The following ENOX1 variants were observed in gnomAD, a reference collection of about 807,000 sequenced individuals.
ENOX1 encodes ecto-NOX disulfide-thiol exchanger 1, also known as candidate growth-related and time keeping constitutive hydroquinone (NADH) oxidase.
ENOX1 carries 42 observed loss-of-function variants against 82.5 expected under a neutral mutation model. The ratio of observed to expected loss-of-function variants is 0.51; its 90% CI spans 0.40 to 0.66. ENOX1 has a LOEUF of 0.66. ENOX1 is among the 30% of genes least tolerant of loss of function. ENOX1 has a pLI of 0.00. For missense variants in ENOX1, 608 were observed against 811.6 expected, an observed-to-expected ratio of 0.75 and a Z score of 3.05; for synonymous variants, 271 against 282.2, an observed-to-expected ratio of 0.96 and a Z score of 0.40.
chr13:43,477,104 C>T (rs1041356508), intron 3 of ENOX1, among the ~76,000 whole-genome samples: 9 of 150,948 alleles, frequency 6.0e-5, no homozygotes. Context: ...TCAGTATGAT[C>T]CCATCTATGT....
At chr13:43,675,188 G>A (rs990249630) in intron 1 of ENOX1, among the ~76,000 whole-genome samples, 3 of 152,184 alleles carry the variant, frequency 2.0e-5, no homozygotes, top group African/African-American at 7.2e-5. Context: ...GGCTGATGAT[G>A]GTGGTCTAGT....
At chr13:43,489,251 G>A (rs2076536926) in intron 2 of ENOX1, among the ~76,000 whole-genome samples, 1 of 152,136 alleles carries the variant, frequency 6.6e-6, no homozygotes, top group Non-Finnish European at 1.5e-5. Flanking sequence ...GTGCCTGGGG[G>A]ATCTGGGGAC....
chr13:43,491,649 C>T (rs1451549473), intron 2 of ENOX1, among the ~76,000 whole-genome samples: 1 of 152,036 alleles, frequency 6.6e-6, no homozygotes, highest in Non-Finnish European at 1.5e-5. Context: ...TGCCTGTAGT[C>T]CCAGCTACTT....
chr13:43,556,795 A>G (rs925077557), intron 2 of ENOX1, among the ~76,000 whole-genome samples: 1 of 152,202 alleles, frequency 6.6e-6, no homozygotes, highest in Admixed American at 6.5e-5. Context: ...GTTAGCTAAC[A>G]TTAGAAGATG....
chr13:43,236,473 A>AT (rs2042556583), intron 15 of ENOX1, among the ~76,000 whole-genome samples, 163 bp downstream of exon 15: 1 of 152,258 alleles, frequency 6.6e-6, no homozygotes, highest in South Asian at 2.1e-4. Context: ...ATTAGTTTGT[A>AT]TGCCACTAAT....
chr13:43,544,162 G>C (rs530254574), intron 2 of ENOX1: 1 of 152,186 alleles, frequency 6.6e-6, no homozygotes, highest in East Asian at 1.9e-4. Context: ...TTACAGGCAT[G>C]AGCCATCGCG....
chr13:43,691,901 C>T (rs1044963734), intron 1 of ENOX1, among the ~76,000 whole-genome samples: 5 of 151,926 alleles, frequency 3.3e-5, no homozygotes, highest in African/African-American at 9.7e-5. Context: ...GGGGTTTCAC[C>T]GTGTTAGGCA....
chr13:43,311,203 A>T (rs977991524), intron 11 of ENOX1, among the ~76,000 whole-genome samples: 4 of 151,968 alleles, frequency 2.6e-5, no homozygotes, highest in African/African-American at 7.3e-5. Flanking sequence ...GACGTGGATT[A>T]TATAGAGGAG....
At chr13:43,280,714 G>T (rs949900154) in intron 12 of ENOX1, among the ~76,000 whole-genome samples, 1 of 152,150 alleles carries the variant, frequency 6.6e-6, no homozygotes, top group African/African-American at 2.4e-5. Flanking sequence ...CTTTAGTGAA[G>T]TTAATCCAAT....
intron 11 of ENOX1, among the ~76,000 whole-genome samples, chr13:43,314,867 A>G (rs2047393481): frequency 6.6e-6 from 1 of 152,250 alleles, no homozygotes; most frequent in Admixed American, 6.5e-5. Context: ...AACCTCAGGA[A>G]TCTACTCTGA....
intron 1 of ENOX1, among the ~76,000 whole-genome samples, chr13:43,724,281 G>C (rs1164230370): frequency 6.6e-6 from 1 of 152,172 alleles, no homozygotes; most frequent in Non-Finnish European, 1.5e-5. Flanking sequence ...TACACAAATA[G>C]GAGTGGCATA....
chr13:43,338,659 C>T (rs529367275), intron 9 of ENOX1, among the ~76,000 whole-genome samples: 1 of 150,854 alleles, frequency 6.6e-6, no homozygotes, highest in East Asian at 1.9e-4. Flanking sequence ...TGCCATACTC[C>T]CCAAAATTCA....
intron 11 of ENOX1, among the ~76,000 whole-genome samples, chr13:43,318,798 A>G (rs979833824): frequency 1.3e-5 from 2 of 152,258 alleles, no homozygotes; most frequent in Non-Finnish European, 2.9e-5. Context: ...TAGATGCTCA[A>G]CACTGTAAGT....
chr13:43,709,860 C>T (rs559948401), intron 1 of ENOX1, among the ~76,000 whole-genome samples: 1 of 151,894 alleles, frequency 6.6e-6, no homozygotes, highest in East Asian at 1.9e-4. Flanking sequence ...AAAACAGAAC[C>T]GGAAATAATA....
At chr13:43,587,249 G>T (rs1026155078) in intron 2 of ENOX1, among the ~76,000 whole-genome samples, 2 of 152,096 alleles carry the variant, frequency 1.3e-5, no homozygotes, top group South Asian at 4.1e-4. Flanking sequence ...TCCTTTCTTG[G>T]TTATAAAGAA....
intron 2 of ENOX1, among the ~76,000 whole-genome samples, chr13:43,590,216 T>C (rs1260044535): frequency 6.6e-6 from 1 of 152,038 alleles, no homozygotes; most frequent in African/African-American, 2.4e-5. Context: ...AACTGAATGA[T>C]GGGTTACACC....
At chr13:43,693,628 T>C (rs944567218) in intron 1 of ENOX1, among the ~76,000 whole-genome samples, 1 of 152,222 alleles carries the variant, frequency 6.6e-6, no homozygotes, top group Non-Finnish European at 1.5e-5. Flanking sequence ...TAATTTCCTT[T>C]CTCTGTCTCT....
At chr13:43,303,753 C>T (rs1043161503) in intron 11 of ENOX1, among the ~76,000 whole-genome samples, 1 of 152,140 alleles carries the variant, frequency 6.6e-6, no homozygotes, top group Non-Finnish European at 1.5e-5. Flanking sequence ...CATTGGCCTG[C>T]ATTACAAGCT....
intron 2 of ENOX1, chr13:43,548,134 A>G (rs749853365): frequency 3.3e-5 from 5 of 152,226 alleles, no homozygotes; most frequent in Admixed American, 6.5e-5. Context: ...CTAAGCTTAA[A>G]TTCCTGATTA....
Sources: gnomAD v4.1 joint callset for allele counts (sites outside exome capture counted in the v4.1 genomes callset) on GRCh38, gnomAD v4.1.1 for gene constraint, MANE v1.5 for transcripts, NCBI Gene and HGNC (gene_info 2026-07-23, HGNC 2026-07-21) for gene names.